Variants in KIF6 observed in about 807,000 individuals in gnomAD.
The protein encoded by KIF6 is kinesin-like protein KIF6.
Under a neutral mutation model 112.7 loss-of-function variants are expected in KIF6, and 106 were observed. The observed-to-expected ratio is 0.94, with a 90% CI of 0.80 to 1.11. The LOEUF (loss-of-function observed/expected upper bound fraction) is 1.11, where lower values mean the gene tolerates loss of function less well. Among genes scored for constraint, KIF6 ranks in the 50% least tolerant of loss-of-function variants. The pLI is 0.00. For synonymous variants in KIF6, 339 were observed against 339.9 expected (o/e 1.00, Z 0.03); for missense variants, 929 against 964.0 (o/e 0.96, Z 0.48).
At position 39,409,268 on chromosome 6, in the gene KIF6, C is replaced by T. The variant is rs111596572; in HGVS notation, c.1810+10680G>A. On this transcript the variant is annotated intron_variant, in intron 15 of 22. Transcript: ENST00000287152. ...TCCTATCTCTGTCCAAGCATTGACACCTGACTTTGGGAAGTCCCCATGGCA... is the reference window on the plus strand; with the variant it reads ...TCCTATCTCTGTCCAAGCATTGACATCTGACTTTGGGAAGTCCCCATGGCA... Among the ~76,000 whole-genome samples the T allele has an allele frequency of 1.6e-3, 242 of 152,296 alleles. 1 individual carries two copies. Among genetic ancestry groups the T allele is most frequent in the African/African-American group, 5.8e-3 (241 of 41,570 alleles).
chr6:39,402,925 C>T (rs909399493), intron 15 of KIF6, among the ~76,000 whole-genome samples: 2 of 152,186 alleles, frequency 1.3e-5, no homozygotes, highest in African/African-American at 2.4e-5. Context: ...CTTGCCCTGA[C>T]CAAACTGAGG....
At chr6:39,599,948 C>T (rs1782484553) in intron 6 of KIF6, among the ~76,000 whole-genome samples, 1 of 152,094 alleles carries the variant, frequency 6.6e-6, no homozygotes, top group Non-Finnish European at 1.5e-5. Flanking sequence ...TGTAGGAGTC[C>T]GTGCCTACAG....
At chr6:39,678,766 T>C (rs947637106) in intron 3 of KIF6, among the ~76,000 whole-genome samples, 2 of 152,196 alleles carry the variant, frequency 1.3e-5, no homozygotes, top group Admixed American at 1.3e-4. Context: ...CAGGACACTG[T>C]TGAGTTTGAA....
At chr6:39,664,322 T>G (rs1442806114) in intron 3 of KIF6, among the ~76,000 whole-genome samples, 1 of 152,118 alleles carries the variant, frequency 6.6e-6, no homozygotes, top group Non-Finnish European at 1.5e-5. Flanking sequence ...TACAATTACC[T>G]CTAATTTCCC....
intron 13 of KIF6, among the ~76,000 whole-genome samples, chr6:39,463,423 T>G (rs1773597071): frequency 6.6e-6 from 1 of 152,236 alleles, no homozygotes; most frequent in Non-Finnish European, 1.5e-5. Context: ...ATGTTCTTTG[T>G]AGGACATTTG....
intron 3 of KIF6, among the ~76,000 whole-genome samples, chr6:39,706,552 A>G (rs1789222493): frequency 6.6e-6 from 1 of 152,228 alleles, no homozygotes; most frequent in South Asian, 2.1e-4. Context: ...ATGTAATTTT[A>G]AAATTGTCAC....
chr6:39,488,330 T>C (rs375982565), intron 13 of KIF6, among the ~76,000 whole-genome samples: 4 of 152,274 alleles, frequency 2.6e-5, no homozygotes, highest in South Asian at 4.1e-4. Flanking sequence ...CATTGTCTTG[T>C]TCTGATCCAC....
intron 3 of KIF6, among the ~76,000 whole-genome samples, chr6:39,709,144 A>G (rs753835865): frequency 5.5e-4 from 84 of 152,334 alleles, no homozygotes; most frequent in South Asian, 2.3e-3. Flanking sequence ...AAATAACCAC[A>G]AAGATTATTT....
At chr6:39,420,798 G>GT (rs953959823) in intron 14 of KIF6, among the ~76,000 whole-genome samples, 5 of 150,952 alleles carry the variant, frequency 3.3e-5, no homozygotes, top group African/African-American at 7.3e-5. Context: ...GTGCCCCGAT[G>GT]TTTTTTTTTC....
At chr6:39,573,628 CA>C (rs1328235688) in intron 10 of KIF6, among the ~76,000 whole-genome samples, 2 of 152,154 alleles carry the variant, frequency 1.3e-5, no homozygotes, top group African/African-American at 2.4e-5. Flanking sequence ...TAATAAGACA[CA>C]ATGATACATA....
chr6:39,345,637 G>T, intron 21 of KIF6, 63 bp downstream of exon 21: 1 of 1,368,986 alleles, frequency 7.3e-7, no homozygotes, highest in Non-Finnish European at 1.0e-6. Context: ...GTAGACTGGA[G>T]ATGGAGGCCC....
chr6:39,591,284 A>G (rs1041926470), intron 7 of KIF6, among the ~76,000 whole-genome samples: 1 of 152,198 alleles, frequency 6.6e-6, no homozygotes, highest in Non-Finnish European at 1.5e-5. Flanking sequence ...CTCTCTAAAG[A>G]ATTAGAGATC....
intron 19 of KIF6, among the ~76,000 whole-genome samples, chr6:39,353,023 T>C (rs115065633): frequency 0.03 from 4,636 of 152,170 alleles, 103 homozygotes; most frequent in Middle Eastern, 0.12. Flanking sequence ...TGAACAATCA[T>C]ATTCTGTTTT....
intron 16 of KIF6, among the ~76,000 whole-genome samples, chr6:39,380,961 G>A (rs139606215): frequency 0.012 from 1,886 of 152,078 alleles, 34 homozygotes; most frequent in Non-Finnish European, 0.013. Context: ...GTTTAAAAAC[G>A]GCTCCCCACA....
rs151248135 is a variant in KIF6 at position 39,596,083 on chromosome 6, T to C, written c.817A>G (p.Ile273Val). 3 of 1,613,888 alleles carry C rather than the reference T, an allele frequency of 1.9e-6. No homozygotes were observed. The highest frequency in any genetic ancestry group is 2.5e-6 in the Non-Finnish European group (3 of 1,179,922). The change falls in exon 7 of 23, where the codon ATC becomes GTC. Residue 273 changes from isoleucine to valine, a missense_variant. Physicochemically the swap from Ile to Val is conservative, Grantham distance 29. Coordinates refer to ENST00000287152, the MANE Select transcript of KIF6 (RefSeq NM_145027.6). ...TCTAAGTAATGTAGTGACAAGTTGA[T>C]ATACTTGGCCTCTGTTAGAAGATGG... ...GGHLLTEAKY[I>V]NLSLHYLEQV...
intron 22 of KIF6, among the ~76,000 whole-genome samples, chr6:39,337,175 CTTTCTTT>C (rs1562102527): frequency 0.011 from 640 of 57,658 alleles, 24 homozygotes; most frequent in African/African-American, 0.034. Flanking sequence ...TTCCTTCCTT[CTTTCTTT>C]CTTTCTTTCT....
intron 13 of KIF6, among the ~76,000 whole-genome samples, chr6:39,472,058 A>G (rs981337709): frequency 6.6e-5 from 10 of 151,960 alleles, no homozygotes; most frequent in African/African-American, 2.4e-4. Flanking sequence ...TCCTTTACTA[A>G]CTTGCACCTT....
chr6:39,502,908 C>A (rs1056742196), intron 13 of KIF6, among the ~76,000 whole-genome samples: 2 of 152,092 alleles, frequency 1.3e-5, no homozygotes, highest in African/African-American at 4.8e-5. Flanking sequence ...GACTGTAACA[C>A]CCCGCTGACA....
chr6:39,723,002 C>G (rs922439126), intron 1 of KIF6, among the ~76,000 whole-genome samples: 2 of 152,204 alleles, frequency 1.3e-5, no homozygotes, highest in Admixed American at 1.3e-4. Flanking sequence ...CCACCCCTAC[C>G]CATCCTGTCT....
Sources: allele counts gnomAD v4.1 joint callset (sites outside exome capture counted in the v4.1 genomes callset), GRCh38; gene constraint gnomAD v4.1.1; transcripts MANE v1.5; gene names NCBI Gene and HGNC (gene_info 2026-07-23, HGNC 2026-07-21).